The following SPON1 variants were observed in gnomAD, a reference collection of about 807,000 sequenced individuals.
SPON1 encodes spondin 1.
Under a neutral mutation model 111.7 loss-of-function variants are expected in SPON1, and 52 were observed. The observed-to-expected ratio is 0.47, with a 90% CI of 0.37 to 0.59. SPON1 has a LOEUF of 0.59. SPON1 is among the 20% of genes least tolerant of loss of function. The pLI, the probability that SPON1 is intolerant of heterozygous loss-of-function variation, is 0.00. For missense variants in SPON1, 957 were observed against 1,068.5 expected (o/e 0.90, Z 1.46); for synonymous variants, 410 against 395.8 (o/e 1.04, Z -0.43).
chr11:14,113,657 C>T (rs1849244415), intron 5 of SPON1, among the ~76,000 whole-genome samples: 1 of 125,948 alleles, frequency 7.9e-6, no homozygotes, highest in Admixed American at 9.9e-5. Flanking sequence ...GGCTGGAGTG[C>T]AGTGGCGCGA....
In SPON1 at chr11:14,041,599, C is replaced by T; in HGVS notation, c.424C>T (p.Arg142Trp). 2 of 1,613,804 alleles carry T rather than the reference C, an allele frequency of 1.2e-6. No individual in the cohort carries two copies. The highest frequency in any genetic ancestry group is 1.1e-5 in the South Asian group (1 of 91,066). The change falls in exon 3 of 16, where the codon CGG becomes TGG. Residue 142 changes from arginine to tryptophan, a missense_variant. By Grantham distance (101) the Arg-to-Trp change is moderately radical. Coordinates refer to ENST00000576479, the MANE Select transcript of SPON1 (RefSeq NM_006108.4). ...TGAAAGCACTCCACGGAGGAGGACC[C>T]GGATCCAGGTGTTTTGGATAGCACC... is the stretch of plus-strand genomic sequence containing the variant. ...VTESTPRRRT[R>W]IQVFWIAPPA... is the part of the protein sequence containing the mutation.
chr11:14,191,638 C>CAAA (rs1554934562), intron 6 of SPON1, among the ~76,000 whole-genome samples: 3 of 152,132 alleles, frequency 2.0e-5, no homozygotes, highest in Admixed American at 6.5e-5. Flanking sequence ...CAAAGGATCC[C>CAAA]AAATGAAAGC....
At chr11:13,991,207 C>T (rs1261055685) in intron 2 of SPON1, among the ~76,000 whole-genome samples, 1 of 152,212 alleles carries the variant, frequency 6.6e-6, no homozygotes, top group African/African-American at 2.4e-5. Flanking sequence ...CTTTCAGGTA[C>T]ACCCATCAAA....
At chr11:14,115,917 G>GGTTTT (rs1564908645) in intron 5 of SPON1, among the ~76,000 whole-genome samples, 3 of 152,148 alleles carry the variant, frequency 2.0e-5, no homozygotes, top group East Asian at 3.9e-4. Flanking sequence ...TTGTTGATAT[G>GGTTTT]GTTTTGTTTT....
In SPON1 at chr11:14,257,915, G is replaced by T. The variant is rs1460743568; in HGVS notation, c.1492+17G>T. 1.3e-6 allele frequency: 2 copies of T among 1,516,882 alleles called. No homozygotes were observed. The highest frequency in any genetic ancestry group is 2.8e-5 in the African/African-American group (2 of 72,284). 94.0% of individuals were successfully genotyped at this position (1,516,882 alleles called of 1,614,324 possible). Reference sequence around the variant, plus strand: ...GTGACGAAGGTGAGGAGACAACCCAGACCAGCCAGGGGCTGGCAGGAGTTC... The same window carrying T: ...GTGACGAAGGTGAGGAGACAACCCATACCAGCCAGGGGCTGGCAGGAGTTC... On this transcript the variant is annotated intron_variant, in intron 11 of 15. Transcript: ENST00000576479.
chr11:14,108,756 T>C (rs1849204328), intron 5 of SPON1, among the ~76,000 whole-genome samples: 1 of 148,792 alleles, frequency 6.7e-6, no homozygotes, highest in Non-Finnish European at 1.5e-5. Flanking sequence ...TTGATGACCT[T>C]TTTTTTTTTT....
At position 14,088,625 on chromosome 11, in the gene SPON1, C is replaced by T. The variant is rs117458022; in HGVS notation, c.676+8604C>T. 3.2e-3 allele frequency among the ~76,000 whole-genome samples: 468 copies of T among 145,428 alleles called. 3 individuals carry two copies. The highest frequency in any genetic ancestry group is 0.012 in the East Asian group (64 of 5,146). On this transcript the variant is annotated intron_variant, in intron 5 of 15. Transcript: ENST00000576479. ...TTATGTGTTTTGGGGTTGTTCTTCT[C>T]GGGGAGTATCATTGTGGTGTTCTCT...
intron 9 of SPON1, among the ~76,000 whole-genome samples, chr11:14,256,236 A>C (rs1487547844): frequency 6.6e-6 from 1 of 152,228 alleles, no homozygotes; most frequent in Non-Finnish European, 1.5e-5. Flanking sequence ...GACAAGAGCA[A>C]AACTCCATCT....
At chr11:14,258,499 T>C (rs1554941476) in intron 11 of SPON1, among the ~76,000 whole-genome samples, 1 of 152,256 alleles carries the variant, frequency 6.6e-6, no homozygotes, top group Non-Finnish European at 1.5e-5. Context: ...TCCCAAGCCA[T>C]GACCCCTTTC....
chr11:14,183,815 C>G (rs55917787), intron 6 of SPON1, among the ~76,000 whole-genome samples: 7,744 of 152,246 alleles, frequency 0.051, 255 homozygotes, highest in Non-Finnish European at 0.075. Context: ...CTTAGCTCCT[C>G]TGCTTACTGG....
At position 14,202,985 on chromosome 11, in the gene SPON1, G is replaced by A. The variant is rs189731594; in HGVS notation, c.826-40347G>A. Reference sequence around the variant, plus strand: ...TCAACCTCAATCTACCATTCACCACGCCAAAAAGATAAATGCCAGACTTCA... The same window carrying A: ...TCAACCTCAATCTACCATTCACCACACCAAAAAGATAAATGCCAGACTTCA... On this transcript the variant is annotated intron_variant, in intron 6 of 15. Transcript: ENST00000576479. Among the ~76,000 whole-genome samples the A allele has an allele frequency of 2.4e-4, 36 of 152,040 alleles. No individual in the cohort carries two copies. In the East Asian group the frequency reaches 5.0e-3, roughly 21 times the overall value.
rs1554930814 is a variant in SPON1 at position 14,160,400 on chromosome 11, TA to T, written c.825+24833del. On this transcript the variant is annotated intron_variant, in intron 6 of 15. Coordinates refer to ENST00000576479, the MANE Select transcript of SPON1 (RefSeq NM_006108.4). ...AACACTTACATTATTTTTATATATA[TA>T]TTTATATATATATATTTATATATAT... Among the ~76,000 whole-genome samples, 43 of 29,880 alleles carry T rather than the reference TA, an allele frequency of 1.4e-3. 5 individuals carry two copies. The highest frequency in any genetic ancestry group is 4.9e-3 in the African/African-American group (41 of 8,438). 19.6% of individuals were successfully genotyped at this position (29,880 alleles called of 152,430 possible). A position where few individuals can be genotyped will look rare whatever the true frequency, so the allele number is the denominator to read the frequency against.
intron 6 of SPON1, among the ~76,000 whole-genome samples, chr11:14,171,621 G>T (rs1387467046): frequency 2.0e-5 from 3 of 151,834 alleles, no homozygotes; most frequent in Non-Finnish European, 4.4e-5. Context: ...TTTCTCCTGT[G>T]GGCATTTAGT....
intron 6 of SPON1, among the ~76,000 whole-genome samples, chr11:14,146,755 A>C (rs1847723763): frequency 6.6e-6 from 1 of 152,198 alleles, no homozygotes; most frequent in African/African-American, 2.4e-5. Flanking sequence ...GAGTGAATAC[A>C]CAGATCAATA....
intron 7 of SPON1, among the ~76,000 whole-genome samples, chr11:14,252,448 C>G (rs1262045087): frequency 3.3e-5 from 5 of 150,350 alleles, no homozygotes; most frequent in African/African-American, 1.2e-4. Flanking sequence ...GAATCCAGCG[C>G]TATGTACTTG....
chr11:14,248,224 G>A (rs1849012939), intron 7 of SPON1, among the ~76,000 whole-genome samples: 1 of 152,188 alleles, frequency 6.6e-6, no homozygotes, highest in Admixed American at 6.5e-5. Context: ...GCTGAGTGAT[G>A]AGGGGGAAAA....
At chr11:14,173,730 G>A (rs1848137871) in intron 6 of SPON1, among the ~76,000 whole-genome samples, 1 of 152,182 alleles carries the variant, frequency 6.6e-6, no homozygotes, top group Admixed American at 6.5e-5. Flanking sequence ...TCAGCTGCAG[G>A]TCTGTTGGAG....
In SPON1 at chr11:14,267,520, GA is replaced by G. The variant is rs1314399679; in HGVS notation, c.*1834del. ...GCTATCTATCTAACTCTCAGCCCAT[GA>G]TAAAGTTCCTTAAGCTGGTGATTCC... On this transcript the variant is annotated 3_prime_UTR_variant, in exon 16 of 16. Transcript: ENST00000576479. 2 of 152,204 alleles carry G rather than the reference GA, an allele frequency of 1.3e-5. No individual in the cohort carries two copies. The highest frequency in any genetic ancestry group is 2.4e-5 in the African/African-American group (1 of 41,454). The allele number at this position is 152,204 out of a possible 1,614,324, so 9.4% of individuals were successfully genotyped here.
intron 4 of SPON1, 22 bp downstream of exon 4, chr11:14,075,440 G>A (rs979218098): frequency 5.3e-6 from 8 of 1,516,964 alleles, no homozygotes; most frequent in Admixed American, 3.9e-5. Flanking sequence ...TGGGTGGGGA[G>A]GGGGAGGGGC....
Sources: gnomAD v4.1 joint callset for allele counts (sites outside exome capture counted in the v4.1 genomes callset) on GRCh38, gnomAD v4.1.1 for gene constraint, MANE v1.5 for transcripts, NCBI Gene and HGNC (gene_info 2026-07-23, HGNC 2026-07-21) for gene names.